The following RASA3 variants were observed in gnomAD, a reference collection of about 807,000 sequenced individuals.
RASA3 encodes the protein ras GTPase-activating protein 3.
Under a neutral mutation model 110.0 loss-of-function variants are expected in RASA3, and 73 were observed. The ratio of observed to expected loss-of-function variants is 0.66; its 90% CI spans 0.55 to 0.81. RASA3 has a LOEUF of 0.81. Ranked by LOEUF, RASA3 falls within the 30% of genes least tolerant of loss-of-function variation. RASA3 has a pLI of 0.00. For synonymous variants in RASA3, 500 were observed against 451.4 expected, an observed-to-expected ratio of 1.11 and a Z score of -1.37; for missense variants, 976 against 1,113.2, an observed-to-expected ratio of 0.88 and a Z score of 1.75.
intron 9 of RASA3, among the ~76,000 whole-genome samples, chr13:114,020,644 C>T (rs1280769540): frequency 1.3e-5 from 2 of 152,210 alleles, no homozygotes; most frequent in Non-Finnish European, 2.9e-5. Context: ...CACACATGAA[C>T]TGGAGATAAA....
rs2079095870 is a variant in RASA3, at chr13:114,048,761, G to T, written c.277+3291C>A. On this transcript the variant is annotated intron_variant, in intron 3 of 23. Transcript: ENST00000334062. This position sits in a 1 kb window ranked among gnomAD's most constrained non-coding sequence, Gnocchi z 4.3. ...CCGGCAGCAGCGCTCTGTGGGCCAT[G>T]GACCCAGGGACAGAGGAGGCTACGG... Among the ~76,000 whole-genome samples the T allele has an allele frequency of 6.6e-6, 1 of 152,200 alleles. No homozygotes were observed.
chr13:113,991,876 G>A (rs1008176023), intron 22 of RASA3, among the ~76,000 whole-genome samples: 6 of 152,092 alleles, frequency 3.9e-5, no homozygotes, highest in Non-Finnish European at 7.4e-5. Context: ...ATGCTCACGT[G>A]TCCCCACACA....
In RASA3 at chr13:114,027,837, G is replaced by A. The variant is rs760046053; in HGVS notation, c.530+10C>T. 4 of 1,613,226 alleles carry A rather than the reference G, an allele frequency of 2.5e-6. No homozygotes were observed. The highest frequency in any genetic ancestry group is 3.4e-6 in the Non-Finnish European group (4 of 1,179,368). On this transcript the variant is annotated intron_variant, in intron 6 of 23. Transcript: ENST00000334062. ...ACCAGAACAGAAACCTGAAGCGTGA[G>A]GCAACTTGCCTGAAGGGTCCTGCCA...
At chr13:114,107,370 C>T (rs763626293) in intron 1 of RASA3, among the ~76,000 whole-genome samples, 13 of 152,140 alleles carry the variant, frequency 8.5e-5, no homozygotes, top group Non-Finnish European at 4.4e-5. Flanking sequence ...CCTGTGTGTC[C>T]TGCCTTCGTG....
intron 18 of RASA3, among the ~76,000 whole-genome samples, chr13:114,005,819 T>G (rs1302435020): frequency 2.9e-4 from 20 of 69,078 alleles, no homozygotes; most frequent in Admixed American, 4.6e-4. Flanking sequence ...CCTTCTCCCC[T>G]CCTGCCCTGC....
chr13:114,127,160 C>T (rs1447933587), intron 1 of RASA3, among the ~76,000 whole-genome samples: 1 of 152,276 alleles, frequency 6.6e-6, no homozygotes, highest in Non-Finnish European at 1.5e-5. Flanking sequence ...CCACTCTGCG[C>T]CTGCGCGGTT....
At chr13:114,067,020 GGGCCCCCTGACCTGGGCTGAGGACT>G (rs1198482597) in intron 2 of RASA3, among the ~76,000 whole-genome samples, 13 of 149,046 alleles carry the variant, frequency 8.7e-5, no homozygotes, top group African/African-American at 2.7e-4. Context: ...GGCTGAGGAC[GGGCCCCCTGACCTGGGCTGAGGACT>G]GGCCCCCTGA....
At chr13:114,108,883 T>G (rs2080177080) in intron 1 of RASA3, 1 of 152,206 alleles carries the variant, frequency 6.6e-6, no homozygotes, top group South Asian at 2.1e-4. Flanking sequence ...ACAGCAGAAC[T>G]GGCAGCAACA....
At chr13:114,030,831 G>A (rs2054150432) in intron 4 of RASA3, among the ~76,000 whole-genome samples, 1 of 151,978 alleles carries the variant, frequency 6.6e-6, no homozygotes, top group South Asian at 2.1e-4. Flanking sequence ...ATCTGGCTGT[G>A]TGTGTGCAGC....
chr13:114,043,718 G>A (rs1021758631), intron 3 of RASA3, among the ~76,000 whole-genome samples: 1 of 152,052 alleles, frequency 6.6e-6, no homozygotes, highest in East Asian at 1.9e-4. Flanking sequence ...ACACCAGGGA[G>A]GCTCAGAGAG....
In RASA3 at chr13:114,115,894, C is replaced by T. The variant is rs1036390735; in HGVS notation, c.55+16541G>A. Among the ~76,000 whole-genome samples the T allele has an allele frequency of 1.3e-5, 2 of 152,222 alleles. No individual in the cohort carries two copies. Among genetic ancestry groups the T allele is most frequent in the African/African-American group, 4.8e-5 (2 of 41,454 alleles). Reference sequence around the variant, plus strand: ...GTTAATATTTTACTTTCTGTCATAACCAGCAGGCTTAAAGAAGAAACCCAA... The same window carrying T: ...GTTAATATTTTACTTTCTGTCATAATCAGCAGGCTTAAAGAAGAAACCCAA... On this transcript the variant is annotated intron_variant, in intron 1 of 23. Coordinates refer to ENST00000334062, the MANE Select transcript of RASA3 (RefSeq NM_007368.4). The surrounding 1 kb of genome is among the most constrained non-coding windows in gnomAD (Gnocchi z 5.0).
Position 113,979,083 on chromosome 13 carries a change from A to T in RASA3, c.*264T>A. On this transcript the variant is annotated 3_prime_UTR_variant, in exon 24 of 24. Coordinates refer to ENST00000334062, the MANE Select transcript of RASA3 (RefSeq NM_007368.4). ...CCCACACTTCCTGATCCTTCAGCTG[A>T]TCCCCAGATCCCCACAAACAAGGAG... The T allele has an allele frequency of 2.0e-6, 1 of 502,980 alleles. No individual in the cohort carries two copies. The highest frequency in any genetic ancestry group is 1.9e-5 in the African/African-American group (1 of 51,922). 31.2% of individuals were successfully genotyped at this position (502,980 alleles called of 1,614,324 possible). A position where few individuals can be genotyped will look rare whatever the true frequency, so the allele number is the denominator to read the frequency against.
chr13:114,079,890 C>T (rs943189126), intron 1 of RASA3, among the ~76,000 whole-genome samples: 5 of 149,770 alleles, frequency 3.3e-5, no homozygotes, highest in African/African-American at 7.4e-5. Context: ...GGGCTGACTG[C>T]GGTGCAGAGG....
intron 1 of RASA3, chr13:114,107,582 T>C (rs947680905): frequency 6.6e-6 from 1 of 152,526 alleles, no homozygotes; most frequent in African/African-American, 2.4e-5. Flanking sequence ...TCCAGGCTGC[T>C]GCGGGTGTCT....
At chr13:114,028,875 C>T (rs868285222) in intron 5 of RASA3, among the ~76,000 whole-genome samples, 2 of 40,764 alleles carry the variant, frequency 4.9e-5, no homozygotes, top group Admixed American at 2.1e-4. Context: ...CATCCTGGGG[C>T]CAGGACCTCT....
chr13:114,132,433 A>C lies in RASA3; in HGVS notation c.55+2T>G. 6.6e-7 allele frequency: 1 copy of C among 1,525,664 alleles called. No homozygotes were observed. Among genetic ancestry groups the C allele is most frequent in the Non-Finnish European group, 8.7e-7 (1 of 1,143,924 alleles). 94.5% of individuals were successfully genotyped at this position (1,525,664 alleles called of 1,614,324 possible). ...GACGCGTGGCTGCCGGCGGACACTC[A>C]CCGATCTTGATCTTCACGCTCTGGA... On this transcript the variant is annotated splice_donor_variant, in intron 1 of 23. Transcript: ENST00000334062. LOFTEE classifies it high-confidence loss of function.
chr13:114,040,023 G>C (rs927404871), intron 4 of RASA3, among the ~76,000 whole-genome samples: 3 of 152,256 alleles, frequency 2.0e-5, no homozygotes, highest in African/African-American at 7.2e-5. Context: ...GTCCCTGAGG[G>C]CTGACCCTGG....
chr13:114,083,194 T>A (rs2079809601), intron 1 of RASA3, among the ~76,000 whole-genome samples: 1 of 152,270 alleles, frequency 6.6e-6, no homozygotes, highest in Non-Finnish European at 1.5e-5. Flanking sequence ...AAGTTTTAAA[T>A]GCCAGAAAAA....
chr13:114,121,313 G>A (rs1354009864), intron 1 of RASA3, among the ~76,000 whole-genome samples: 1 of 152,226 alleles, frequency 6.6e-6, no homozygotes, highest in Non-Finnish European at 1.5e-5. Flanking sequence ...TCTGGAGAGT[G>A]TCCCCAGCCT....
Sources: gnomAD v4.1 joint callset for allele counts (sites outside exome capture counted in the v4.1 genomes callset) on GRCh38, gnomAD v4.1.1 for gene constraint, Gnocchi (gnomAD v3.1) non-coding constraint, MANE v1.5 for transcripts, NCBI Gene and HGNC (gene_info 2026-07-23, HGNC 2026-07-21) for gene names.